Variants in JCAD observed in about 807,000 individuals in gnomAD.
JCAD encodes junctional cadherin 5-associated protein.
Under a neutral mutation model 98.0 loss-of-function variants are expected in JCAD, and 40 were observed. The observed-to-expected ratio is 0.41, with a 90% CI of 0.32 to 0.53. JCAD has a LOEUF of 0.53. Among genes scored for constraint, JCAD ranks in the 20% least tolerant of loss-of-function variants. JCAD has a pLI of 0.31. For missense variants in JCAD, 1,705 were observed against 1,738.1 expected (o/e 0.98, Z 0.34); for synonymous variants, 691 against 682.3 (o/e 1.01, Z -0.20).
At chr10:30,083,701 C>T (rs1838122566) in intron 1 of JCAD, among the ~76,000 whole-genome samples, 1 of 152,140 alleles carries the variant, frequency 6.6e-6, no homozygotes, top group South Asian at 2.1e-4. Flanking sequence ...GTAAGTCAGG[C>T]ATGAGTCAGA....
chr10:30,058,132 C>T (rs1366431465), intron 1 of JCAD, among the ~76,000 whole-genome samples: 3 of 152,194 alleles, frequency 2.0e-5, no homozygotes, highest in African/African-American at 7.2e-5. Flanking sequence ...CCCCCAAATC[C>T]CTGTATTTTG....
At position 30,015,880 on chromosome 10, in the gene JCAD, C is replaced by T. The variant is rs1442249250; in HGVS notation, c.*2003G>A. On this transcript the variant is annotated 3_prime_UTR_variant, in exon 4 of 4. Coordinates refer to ENST00000375377, the MANE Select transcript of JCAD (RefSeq NM_020848.4). ...AGACCCCACAAAGACCTCCAGGCGCCTCAGCCCTTATTTGGTACTACCAGG... is the reference window on the plus strand; with the variant it reads ...AGACCCCACAAAGACCTCCAGGCGCTTCAGCCCTTATTTGGTACTACCAGG... 1 of 152,196 alleles carries T rather than the reference C, an allele frequency of 6.6e-6. No homozygotes were observed. Among genetic ancestry groups the T allele is most frequent in the African/African-American group, 2.4e-5 (1 of 41,452 alleles). The allele number at this position is 152,196 out of a possible 1,614,324, so 9.4% of individuals were successfully genotyped here.
chr10:30,107,594 T>A (rs1331082207), intron 1 of JCAD, among the ~76,000 whole-genome samples: 5 of 152,214 alleles, frequency 3.3e-5, no homozygotes, highest in African/African-American at 7.2e-5. Flanking sequence ...TGAGCAGCCG[T>A]CGCCACTGCT....
chr10:30,103,538 ATGTTAAAAT>A (rs1838505995), intron 1 of JCAD, among the ~76,000 whole-genome samples: 1 of 152,130 alleles, frequency 6.6e-6, no homozygotes, highest in East Asian at 1.9e-4. Flanking sequence ...GTTAAAATTG[ATGTTAAAAT>A]AGATAAGAAA....
In JCAD at chr10:30,058,653, T is replaced by C. The variant is rs528942995; in HGVS notation, c.-60+829A>G. Among the ~76,000 whole-genome samples, 1,383 of 152,230 alleles carry C rather than the reference T, an allele frequency of 9.1e-3. 8 individuals carry two copies. Among genetic ancestry groups the C allele is most frequent in the South Asian group, 0.017 (80 of 4,818 alleles). ...GTGGCCAGGGCATCGAGGCAAACCC[T>C]GGCATTTTGGGGGTGAACGGACCCC... On this transcript the variant is annotated intron_variant, in intron 1 of 3. Transcript: ENST00000375377.
At chr10:30,113,691 C>T (rs371421569) in intron 1 of JCAD, among the ~76,000 whole-genome samples, 2 of 151,960 alleles carry the variant, frequency 1.3e-5, no homozygotes, top group East Asian at 3.9e-4. Context: ...CCTCCCTCCA[C>T]CTCTCTTCAC....
upstream of JCAD, among the ~76,000 whole-genome samples, chr10:30,061,030 G>A (rs1228410215): frequency 1.3e-5 from 2 of 152,208 alleles, no homozygotes; most frequent in Non-Finnish European, 2.9e-5. Flanking sequence ...AGATGGTGGC[G>A]ATAGGAGCAG....
intron 2 of JCAD, among the ~76,000 whole-genome samples, chr10:30,043,342 A>G (rs1837278480): frequency 6.6e-6 from 1 of 152,176 alleles, no homozygotes; most frequent in Non-Finnish European, 1.5e-5. Context: ...AAAAAAAAGT[A>G]AAAAAATTTT....
Position 30,015,925 on chromosome 10 carries a change from G to C in JCAD, c.*1958C>G, listed in dbSNP as rs1836522613. On this transcript the variant is annotated 3_prime_UTR_variant, in exon 4 of 4. Coordinates refer to ENST00000375377, the MANE Select transcript of JCAD (RefSeq NM_020848.4). Reference sequence around the variant, plus strand: ...ACCAGGTGACTTCAATGATTCACCAGCTACAACAGTGTCTGAACTCTTCCC... The same window carrying C: ...ACCAGGTGACTTCAATGATTCACCACCTACAACAGTGTCTGAACTCTTCCC... The C allele has an allele frequency of 6.6e-6, 1 of 152,218 alleles. No individual in the cohort carries two copies. The highest frequency in any genetic ancestry group is 2.4e-5 in the African/African-American group (1 of 41,466). 9.4% of individuals were successfully genotyped at this position (152,218 alleles called of 1,614,324 possible).
In JCAD at chr10:30,089,250, G is replaced by GT. The variant is rs145331086; in HGVS notation, n.129-19430dup. On this transcript the variant is annotated intron_variant and non_coding_transcript_variant, in intron 1 of 2. Transcript: ENST00000465712. ...AGCTGAGAGCTTTCTTCCCTAGGTG[G>GT]TGAGGGTGGGCTTCTGGCTCCAGTT... 9.0e-3 allele frequency among the ~76,000 whole-genome samples: 1,375 copies of GT among 152,236 alleles called. 27 individuals carry two copies. The highest frequency in any genetic ancestry group is 0.031 in the African/African-American group (1,303 of 41,532).
Position 30,027,350 on chromosome 10 carries a change from C to A in JCAD, c.2798G>T (p.Gly933Val). ...GHPRAWPPSP[G>V]RFRVEEGGGA... ...GCCACCTTCTTCCACGCGAAAGCGG[C>A]CCGGGGATGGAGGCCAGGCACGTGG... Residue 933 changes from glycine to valine, a missense_variant, in exon 3 of 4, where the codon GGC becomes GTC. Physicochemically the swap from Gly to Val is moderately radical, Grantham distance 109. This residue lies in a region of JCAD where 1,278 missense variants were observed against 1,243.1 expected (regional missense o/e 1.03). Coordinates refer to ENST00000375377, the MANE Select transcript of JCAD (RefSeq NM_020848.4). The A allele has an allele frequency of 2.5e-6, 4 of 1,611,922 alleles. No individual in the cohort carries two copies. The highest frequency in any genetic ancestry group is 2.5e-6 in the Non-Finnish European group (3 of 1,180,024).
chr10:30,047,108 G>A (rs1038553599), intron 2 of JCAD, among the ~76,000 whole-genome samples: 4 of 152,232 alleles, frequency 2.6e-5, no homozygotes, highest in African/African-American at 9.6e-5. Context: ...GCCGGGTGCA[G>A]TGGCTCACTA....
chr10:30,038,097 T>C (rs897941596), intron 2 of JCAD, among the ~76,000 whole-genome samples: 2 of 152,188 alleles, frequency 1.3e-5, no homozygotes, highest in Non-Finnish European at 2.9e-5. Context: ...GGTTAGGGCT[T>C]CAGTAGACTT....
At chr10:30,091,013 C>A (rs1838253264) in intron 1 of JCAD, among the ~76,000 whole-genome samples, 1 of 152,190 alleles carries the variant, frequency 6.6e-6, no homozygotes, top group South Asian at 2.1e-4. Flanking sequence ...ACCACAGGTG[C>A]ACACGCTGGT....
rs1057082467 is a variant in JCAD, at chr10:30,029,620, T to G, written c.528A>C (p.Ser176=). The G allele has an allele frequency of 2.5e-6, 4 of 1,614,266 alleles. No homozygotes were observed. Among genetic ancestry groups the G allele is most frequent in the Admixed American group, 1.7e-5 (1 of 60,032 alleles). The change falls in exon 3 of 4, where the codon TCA becomes TCC. Residue 176 remains serine, a synonymous_variant. Transcript: ENST00000375377. ...KPVWEEELRM[S]GPAKWQNVSL... is the part of the protein sequence containing the mutation. The stretch of plus-strand genomic sequence containing the variant: ...TGACGTTCTGCCACTTGGCAGGACC[T>G]GACATTCGCAATTCTTCTTCCCAAA...
Position 30,067,696 on chromosome 10 carries a change from G to A in JCAD, n.250+2004C>T, listed in dbSNP as rs936456843. Among the ~76,000 whole-genome samples the A allele has an allele frequency of 7.9e-5, 12 of 152,166 alleles. 1 individual carries two copies. The highest frequency in any genetic ancestry group is 5.2e-4 in the Admixed American group (8 of 15,268). On this transcript the variant is annotated intron_variant and non_coding_transcript_variant, in intron 2 of 2. Coordinates refer to the JCAD transcript ENST00000465712. ...GGCTAGGCCTTGACTTATGTCCTTC[G>A]ATGTACAAAAGGGTAGCACTTACTA...
At chr10:30,086,229 T>C (rs933823231) in intron 1 of JCAD, among the ~76,000 whole-genome samples, 7 of 152,138 alleles carry the variant, frequency 4.6e-5, no homozygotes, top group African/African-American at 1.4e-4. Context: ...AGAAGCAAAG[T>C]CTACTTATTG....
intron 2 of JCAD, among the ~76,000 whole-genome samples, chr10:30,068,136 C>T (rs576170215): frequency 6.6e-5 from 10 of 152,170 alleles, no homozygotes; most frequent in African/African-American, 1.9e-4. Context: ...GGCCTGTGAT[C>T]GTAGCACTTC....
At chr10:30,091,714 ATTTT>A (rs11307523) in intron 1 of JCAD, among the ~76,000 whole-genome samples, 9 of 81,776 alleles carry the variant, frequency 1.1e-4, no homozygotes, top group South Asian at 4.6e-4. Context: ...AAGTTTTTAA[ATTTT>A]TTTTTTTTTT....
Sources: allele counts gnomAD v4.1 joint callset (sites outside exome capture counted in the v4.1 genomes callset), GRCh38; gene constraint gnomAD v4.1.1; regional missense constraint gnomAD v4.1.1; transcripts MANE v1.5; gene names NCBI Gene and HGNC (gene_info 2026-07-23, HGNC 2026-07-21).